Variants in SLC13A1 observed in about 807,000 individuals in gnomAD.
SLC13A1 encodes Na(+)/sulfate cotransporter.
A neutral mutation model predicts 70.0 loss-of-function variants in SLC13A1; 65 were observed. That is an observed-to-expected ratio of 0.93 (90% CI 0.76 to 1.14). The LOEUF is 1.14. Ranked by LOEUF, SLC13A1 falls within the 50% of genes most tolerant of loss-of-function variation. The probability of loss-of-function intolerance (pLI) is 0.00; values close to 1 mark genes in which losing one functional copy is unlikely to be tolerated. For missense variants in SLC13A1, 726 were observed against 717.8 expected (o/e 1.01, Z -0.13); for synonymous variants, 275 against 250.5 (o/e 1.10, Z -0.92).
chr7:123,117,703 G>T, intron 13 of SLC13A1, 95 bp from the exon 14 acceptor site: 1 of 659,248 alleles, frequency 1.5e-6, no homozygotes. Context: ...CTTCCCAGAA[G>T]CATGTTGGAA....
chr7:123,153,272 G>A (rs1328004288), intron 6 of SLC13A1, among the ~76,000 whole-genome samples: 1 of 151,974 alleles, frequency 6.6e-6, no homozygotes, highest in Non-Finnish European at 1.5e-5. Flanking sequence ...TATTGCTACT[G>A]CACATGAGCT....
intron 6 of SLC13A1, among the ~76,000 whole-genome samples, chr7:123,159,447 C>T (rs949389264): frequency 3.9e-5 from 6 of 152,166 alleles, no homozygotes; most frequent in African/African-American, 1.4e-4. Flanking sequence ...AGAAGGTAGC[C>T]TTGTACAAGC....
At chr7:123,156,927 C>G (rs1194266603) in intron 6 of SLC13A1, among the ~76,000 whole-genome samples, 1 of 152,052 alleles carries the variant, frequency 6.6e-6, no homozygotes, top group Non-Finnish European at 1.5e-5. Context: ...TTTATGGACC[C>G]TGAACTTCAG....
chr7:123,115,370 C>G lies in SLC13A1; in HGVS notation c.*148G>C. On this transcript the variant is annotated 3_prime_UTR_variant, in exon 15 of 15. Transcript: ENST00000194130. The stretch of plus-strand genomic sequence containing the variant: ...AACAAATATGGACTCTGAGTTATAA[C>G]AGCAGGTTTCGGGTATTCACAGGAA... 1.4e-6 allele frequency: 1 copy of G among 693,562 alleles called. No individual in the cohort carries two copies. Among genetic ancestry groups the G allele is most frequent in the Non-Finnish European group, 2.3e-6 (1 of 427,610 alleles). 43.0% of individuals were successfully genotyped at this position (693,562 alleles called of 1,614,324 possible).
chr7:123,188,677 C>A (rs906346052), intron 1 of SLC13A1, among the ~76,000 whole-genome samples: 3 of 151,956 alleles, frequency 2.0e-5, no homozygotes, highest in Non-Finnish European at 2.9e-5. Flanking sequence ...TCTCTATAAA[C>A]TATGTATTTG....
rs1369946851 is a variant in SLC13A1 at position 123,123,236 on chromosome 7, C to T, written c.1241-1G>A. On this transcript the variant is annotated splice_acceptor_variant, in intron 11 of 14. Coordinates refer to ENST00000194130, the MANE Select transcript of SLC13A1 (RefSeq NM_022444.4). LOFTEE classifies it high-confidence loss of function. ...ATCAGTGGAGAGTAATCAAAAGCAA[C>T]TGCAAAACAAAAATCCTACAGTTAC... 1.3e-6 allele frequency: 2 copies of T among 1,593,796 alleles called. No homozygotes were observed. Among genetic ancestry groups the T allele is most frequent in the Non-Finnish European group, 1.7e-6 (2 of 1,161,942 alleles).
intron 1 of SLC13A1, 32 bp downstream of exon 1, chr7:123,199,816 A>G: frequency 2.7e-6 from 4 of 1,481,132 alleles, no homozygotes; most frequent in Non-Finnish European, 3.8e-6. Flanking sequence ...TAAGTCAGGA[A>G]ATCCACCAGT....
At chr7:123,183,678 C>A (rs1795707861) in intron 1 of SLC13A1, among the ~76,000 whole-genome samples, 1 of 152,146 alleles carries the variant, frequency 6.6e-6, no homozygotes, top group South Asian at 2.1e-4. Context: ...TCAAGCCCTT[C>A]CCCAGACACA....
At chr7:123,172,396 G>T (rs1795305809) in intron 2 of SLC13A1, among the ~76,000 whole-genome samples, 1 of 152,180 alleles carries the variant, frequency 6.6e-6, no homozygotes, top group Admixed American at 6.5e-5. Context: ...CAAAGCAGGT[G>T]GATCACTTGA....
chr7:123,182,584 G>C (rs1459332816), intron 1 of SLC13A1, among the ~76,000 whole-genome samples: 1 of 152,014 alleles, frequency 6.6e-6, no homozygotes, highest in East Asian at 1.9e-4. Context: ...TAGCCACCCT[G>C]ACAACTATCT....
chr7:123,178,913 T>C (rs1238609592), intron 2 of SLC13A1, among the ~76,000 whole-genome samples: 2 of 152,176 alleles, frequency 1.3e-5, no homozygotes, highest in African/African-American at 4.8e-5. Context: ...TATTCACTTT[T>C]GTGAATGTAT....
chr7:123,134,667 A>C, intron 7 of SLC13A1, 138 bp from the exon 8 acceptor site: 1 of 681,750 alleles, frequency 1.5e-6, no homozygotes, highest in South Asian at 2.6e-5. Context: ...TCATCATTAA[A>C]TAGAGTACTT....
At chr7:123,145,364 A>C (rs1794314739) in intron 7 of SLC13A1, among the ~76,000 whole-genome samples, 1 of 152,160 alleles carries the variant, frequency 6.6e-6, no homozygotes, top group Non-Finnish European at 1.5e-5. Context: ...CATAGTATTT[A>C]CCATATTGCA....
At chr7:123,115,749 G>T in intron 14 of SLC13A1, 94 bp from the exon 15 acceptor site, 2 of 1,234,878 alleles carry the variant, frequency 1.6e-6, no homozygotes, top group South Asian at 1.4e-5. Flanking sequence ...AAATTTACAT[G>T]CATCCTAAAT....
At chr7:123,158,734 G>A (rs1163289320) in intron 6 of SLC13A1, among the ~76,000 whole-genome samples, 1 of 151,796 alleles carries the variant, frequency 6.6e-6, no homozygotes, top group East Asian at 1.9e-4. Flanking sequence ...CTGATAGCTA[G>A]CTGACTTTTA....
At chr7:123,121,720 G>A (rs1793387861) in intron 12 of SLC13A1, among the ~76,000 whole-genome samples, 1 of 152,120 alleles carries the variant, frequency 6.6e-6, no homozygotes. Context: ...TAAAAGAAAA[G>A]TAATTGCAAT....
chr7:123,133,499 G>T (rs1793840156), intron 8 of SLC13A1, among the ~76,000 whole-genome samples: 1 of 151,938 alleles, frequency 6.6e-6, no homozygotes. Context: ...GGACTCAAAG[G>T]ACACTTAGAT....
chr7:123,140,885 T>C (rs1465175786), intron 7 of SLC13A1, among the ~76,000 whole-genome samples: 2 of 152,050 alleles, frequency 1.3e-5, no homozygotes, highest in African/African-American at 4.8e-5. Context: ...TTTTCATTGA[T>C]TTTTTTGGTA....
intron 11 of SLC13A1, among the ~76,000 whole-genome samples, chr7:123,125,154 AG>A (rs1269441937): frequency 6.6e-6 from 1 of 152,092 alleles, no homozygotes; most frequent in East Asian, 1.9e-4. Context: ...AACTACTTTG[AG>A]AATGTAAATA....
Sources: gnomAD v4.1 joint callset for allele counts (sites outside exome capture counted in the v4.1 genomes callset) on GRCh38, gnomAD v4.1.1 for gene constraint, MANE v1.5 for transcripts, NCBI Gene and HGNC (gene_info 2026-07-23, HGNC 2026-07-21) for gene names.